Variants in DST observed in about 807,000 individuals in gnomAD.
DST encodes bullous pemphigoid antigen.
A neutral mutation model predicts 875.2 loss-of-function variants in DST; 253 were observed. The observed-to-expected ratio is 0.29, with a 90% CI of 0.26 to 0.32. The LOEUF is 0.32. Among genes scored for constraint, DST ranks in the 10% least tolerant of loss-of-function variants. The pLI, the probability that DST is intolerant of heterozygous loss-of-function variation, is 1.00. For missense variants in DST, 8,287 were observed against 9,111.6 expected, an observed-to-expected ratio of 0.91 and a Z score of 3.68; for synonymous variants, 3,124 against 3,197.1, an observed-to-expected ratio of 0.98 and a Z score of 0.77.
intron 5 of DST, among the ~76,000 whole-genome samples, chr6:56,711,343 AATTTTTAAAT>A (rs1402366597): frequency 6.6e-6 from 1 of 152,134 alleles, no homozygotes; most frequent in Non-Finnish European, 1.5e-5. Context: ...AGGCTATTTC[AATTTTTAAAT>A]ATTTTTAAAT....
chr6:56,589,986 T>C (rs897926882), intron 49 of DST, among the ~76,000 whole-genome samples: 2 of 152,206 alleles, frequency 1.3e-5, no homozygotes, highest in African/African-American at 2.4e-5. Flanking sequence ...TTAAAAGTAA[T>C]TGTAAAATGT....
chr6:56,634,763 A>C (rs370778693), intron 25 of DST, 38 bp downstream of exon 25: 159 of 1,609,326 alleles, frequency 9.9e-5, no homozygotes, highest in Non-Finnish European at 1.3e-4. Flanking sequence ...TATATGAATA[A>C]TGACAGAAAC....
chr6:56,583,213 C>G (rs914532055), intron 49 of DST, among the ~76,000 whole-genome samples: 8 of 152,318 alleles, frequency 5.3e-5, no homozygotes, highest in South Asian at 4.1e-4. Flanking sequence ...GTCCCACCAA[C>G]AGTGTAAAAG....
At chr6:56,487,057 T>G in intron 87 of DST, 47 bp downstream of exon 87, 1 of 1,586,432 alleles carries the variant, frequency 6.3e-7, no homozygotes, top group Non-Finnish European at 8.6e-7. Context: ...ACTGTGTATT[T>G]GAAAGAGGTC....
intron 3 of DST, among the ~76,000 whole-genome samples, chr6:56,879,360 A>C (rs1407234903): frequency 6.6e-6 from 1 of 152,008 alleles, no homozygotes; most frequent in Non-Finnish European, 1.5e-5. Context: ...AGTCCCAGCT[A>C]CTCAGGAGGC....
intron 55 of DST, among the ~76,000 whole-genome samples, chr6:56,564,205 T>G (rs542291989): frequency 1.3e-5 from 2 of 152,262 alleles, no homozygotes; most frequent in Non-Finnish European, 2.9e-5. Context: ...TTCCTACCCA[T>G]GAGCATGGAA....
chr6:56,482,582 G>A, intron 89 of DST, 101 bp downstream of exon 89: 1 of 1,202,602 alleles, frequency 8.3e-7, no homozygotes, highest in Non-Finnish European at 1.2e-6. Context: ...AGACTGTCCT[G>A]ATTGAGACAC....
At position 56,605,267 on chromosome 6, in the gene DST, T is replaced by C. The variant is rs754669900; in HGVS notation, c.9361A>G (p.Asn3121Asp). 1 of 1,610,928 alleles carries C rather than the reference T, an allele frequency of 6.2e-7. No individual in the cohort carries two copies. Among genetic ancestry groups the C allele is most frequent in the Non-Finnish European group, 8.5e-7 (1 of 1,178,218 alleles). Reference protein sequence around the residue: ...KATVTLKDEPNNLQIIVSKSP... With the variant: ...KATVTLKDEPDNLQIIVSKSP... ...TTACTAACTATTATTTGTAGATTAT[T>C]TGGTTCATCTTTAAGAGTTACAGTT... The change falls in exon 40 of 104, where the codon AAT becomes GAT. Residue 3121 changes from asparagine (N) to aspartate (D), a missense_variant. By Grantham distance (23) the Asn-to-Asp change is conservative. Coordinates refer to ENST00000680361, the MANE Select transcript of DST (RefSeq NM_001374736.1).
At chr6:56,482,274 G>T in intron 89 of DST, 96 bp from the exon 90 acceptor site, 1 of 1,079,474 alleles carries the variant, frequency 9.3e-7, no homozygotes, top group Non-Finnish European at 1.2e-6. Flanking sequence ...TCCCTTCAAT[G>T]AAAAAAAAAA....
chr6:56,951,941 A>C (rs1203471080), intron 2 of DST, among the ~76,000 whole-genome samples: 1 of 152,202 alleles, frequency 6.6e-6, no homozygotes, highest in Non-Finnish European at 1.5e-5. Context: ...CTATTTGCCC[A>C]GTTTCAGGAA....
chr6:56,685,991 C>T (rs754637210), intron 9 of DST, among the ~76,000 whole-genome samples: 2 of 152,144 alleles, frequency 1.3e-5, no homozygotes, highest in African/African-American at 2.4e-5. Context: ...CATCTGCACT[C>T]GTATGTTTAT....
chr6:56,820,515 T>C (rs558512171), intron 4 of DST, among the ~76,000 whole-genome samples: 1 of 152,338 alleles, frequency 6.6e-6, no homozygotes, highest in East Asian at 1.9e-4. Context: ...GCTATTATCT[T>C]TACACGAGTT....
rs2098535305 is a variant in DST at position 56,610,437 on chromosome 6, A to G, written c.5273T>C (p.Val1758Ala). Residue 1758 changes from valine to alanine, a missense_variant, in exon 39 of 104, where the codon GTA (valine) becomes GCA (alanine). Physicochemically the swap from Val to Ala is moderately conservative, Grantham distance 64. Around this residue, in one of 10 missense-constraint regions of DST, gnomAD observed 3,138 missense variants for 3,116.6 expected, o/e 1.01. Transcript: ENST00000680361. ...QESQTSGDVK[V>A]EEKLDKVIAG... ...AATAAATAATATTACCTTCTCCTCTACCTTTACATCTCCTGAGGTTTGTGA... is the reference window on the plus strand; with the variant it reads ...AATAAATAATATTACCTTCTCCTCTGCCTTTACATCTCCTGAGGTTTGTGA... The G allele has an allele frequency of 6.4e-7, 1 of 1,557,616 alleles. No homozygotes were observed. The highest frequency in any genetic ancestry group is 1.4e-5 in the African/African-American group (1 of 73,314).
chr6:56,893,251 A>G (rs562682965), intron 3 of DST, among the ~76,000 whole-genome samples: 3 of 152,308 alleles, frequency 2.0e-5, no homozygotes, highest in Admixed American at 2.0e-4. Context: ...AGAACATATG[A>G]TGTTTGGTTT....
chr6:56,640,288 A>G lies in DST; in HGVS notation c.2345T>C (p.Val782Ala). ...SGLVPNFSSG[V>A]EPNSLQTLKL... ...CAAAGTTTGCAATGAATTTGGCTCTACTCCTGAACTGAAATTTGGAACTAA... is the reference window on the plus strand; with the variant it reads ...CAAAGTTTGCAATGAATTTGGCTCTGCTCCTGAACTGAAATTTGGAACTAA... Residue 782 changes from valine to alanine, a missense_variant, in exon 18 of 104, where the codon GTA becomes GCA. By Grantham distance (64) the Val-to-Ala change is moderately conservative (BLOSUM62 0). Coordinates refer to ENST00000680361, the MANE Select transcript of DST (RefSeq NM_001374736.1). 1 of 1,614,116 alleles carries G rather than the reference A, an allele frequency of 6.2e-7. No individual in the cohort carries two copies. The highest frequency in any genetic ancestry group is 8.5e-7 in the Non-Finnish European group (1 of 1,180,004).
At chr6:56,656,538 C>T (rs114008270) in intron 10 of DST, among the ~76,000 whole-genome samples, 1,704 of 152,228 alleles carry the variant, frequency 0.011, 28 homozygotes, top group African/African-American at 0.039. Flanking sequence ...TCTCAATTGA[C>T]CCTAAGCAGT....
At chr6:56,890,645 A>G (rs1374790955) in intron 3 of DST, among the ~76,000 whole-genome samples, 1 of 152,236 alleles carries the variant, frequency 6.6e-6, no homozygotes, top group Non-Finnish European at 1.5e-5. Flanking sequence ...GTATATTTGC[A>G]TATAGCTTAC....
intron 5 of DST, among the ~76,000 whole-genome samples, chr6:56,704,659 G>A (rs965491587): frequency 2.6e-5 from 4 of 152,076 alleles, no homozygotes; most frequent in African/African-American, 4.8e-5. Context: ...CTTCAAATAC[G>A]GACAATGCCC....
At chr6:56,904,655 G>T (rs1795560837) in intron 2 of DST, among the ~76,000 whole-genome samples, 1 of 151,944 alleles carries the variant, frequency 6.6e-6, no homozygotes, top group South Asian at 2.1e-4. Context: ...CTAAATAACT[G>T]TAAGGAATTA....
Sources: gnomAD v4.1 joint callset for allele counts (sites outside exome capture counted in the v4.1 genomes callset) on GRCh38, gnomAD v4.1.1 for gene constraint, gnomAD v4.1.1 regional missense constraint, MANE v1.5 for transcripts, NCBI Gene and HGNC (gene_info 2026-07-23, HGNC 2026-07-21) for gene names.